Variants in SPOCK3 observed in about 807,000 individuals in gnomAD.
SPOCK3 encodes SPARC (osteonectin), cwcv and kazal like domains proteoglycan 3.
In SPOCK3, 30 loss-of-function variants were observed where a neutral mutation model predicts 56.6. The observed-to-expected ratio is 0.53, with a 90% CI of 0.40 to 0.72. The LOEUF is 0.72. Among genes scored for constraint, SPOCK3 ranks in the 30% least tolerant of loss-of-function variants. The pLI, the probability that SPOCK3 is intolerant of heterozygous loss-of-function variation, is 0.00. For synonymous variants in SPOCK3, 196 were observed against 183.3 expected, an observed-to-expected ratio of 1.07 and a Z score of -0.56; for missense variants, 527 against 530.0, an observed-to-expected ratio of 0.99 and a Z score of 0.06.
At chr4:167,050,249 GTAC>G (rs1754073944) in intron 3 of SPOCK3, among the ~76,000 whole-genome samples, 1 of 152,096 alleles carries the variant, frequency 6.6e-6, no homozygotes, top group African/African-American at 2.4e-5. Context: ...AAAATTCTCA[GTAC>G]TACTAAAGAA....
intron 4 of SPOCK3, among the ~76,000 whole-genome samples, chr4:166,913,778 G>GTCTCTC (rs140957483): frequency 4.1e-4 from 61 of 149,510 alleles, no homozygotes; most frequent in African/African-American, 1.5e-3. Context: ...ATTATTTTCT[G>GTCTCTC]TCTCTCTCTC....
At chr4:167,061,272 A>G (rs1755578940) in intron 3 of SPOCK3, among the ~76,000 whole-genome samples, 1 of 152,020 alleles carries the variant, frequency 6.6e-6, no homozygotes, top group African/African-American at 2.4e-5. Context: ...ATTTCCCAAG[A>G]AAGCCAGTAA....
chr4:166,893,074 G>A (rs1734958748), intron 5 of SPOCK3, among the ~76,000 whole-genome samples: 1 of 152,010 alleles, frequency 6.6e-6, no homozygotes, highest in African/African-American at 2.4e-5. Flanking sequence ...ACTGGAGGCA[G>A]AAGGGAGAGT....
At chr4:166,970,914 G>A (rs887701858) in intron 4 of SPOCK3, among the ~76,000 whole-genome samples, 4 of 152,066 alleles carry the variant, frequency 2.6e-5, no homozygotes, top group Non-Finnish European at 5.9e-5. Flanking sequence ...TTTTATAAGA[G>A]ACAGAGTCTT....
At chr4:167,019,514 A>G (rs1219986986) in intron 3 of SPOCK3, among the ~76,000 whole-genome samples, 1 of 151,646 alleles carries the variant, frequency 6.6e-6, no homozygotes, top group Non-Finnish European at 1.5e-5. Flanking sequence ...CAATATATAC[A>G]TATATTTCAT....
intron 2 of SPOCK3, among the ~76,000 whole-genome samples, chr4:167,063,959 G>T (rs547662764): frequency 9.2e-5 from 14 of 151,952 alleles, no homozygotes; most frequent in African/African-American, 3.4e-4. Context: ...ATAGTGCTGT[G>T]ATAAACATAT....
chr4:166,737,617 C>T lies in SPOCK3; in HGVS notation c.995-13G>A, dbSNP rs769365236. On this transcript the variant is annotated splice_polypyrimidine_tract_variant and intron_variant, in intron 9 of 10. Coordinates refer to ENST00000357545, the MANE Select transcript of SPOCK3 (RefSeq NM_001040159.2). Reference sequence around the variant, plus strand: ...GGGATATACTGTCCTGTTGAAACAACACACAGGCATACAAACACACACATG... The same window carrying T: ...GGGATATACTGTCCTGTTGAAACAATACACAGGCATACAAACACACACATG... 1.9e-6 allele frequency: 3 copies of T among 1,601,288 alleles called. No homozygotes were observed. The highest frequency in any genetic ancestry group is 2.6e-6 in the Non-Finnish European group (3 of 1,174,596).
At chr4:167,140,607 C>T (rs1369132818) in intron 2 of SPOCK3, among the ~76,000 whole-genome samples, 1 of 151,968 alleles carries the variant, frequency 6.6e-6, no homozygotes, top group African/African-American at 2.4e-5. Flanking sequence ...AAAGTTGTCA[C>T]CACAACCAGA....
intron 2 of SPOCK3, among the ~76,000 whole-genome samples, chr4:167,233,719 G>A (rs1422906060): frequency 1.3e-5 from 2 of 152,156 alleles, no homozygotes; most frequent in South Asian, 2.1e-4. Context: ...TGGGCCGGGA[G>A]GGGGCACAGG....
rs889641289 is a variant in SPOCK3 at position 167,192,740 on chromosome 4, A to G, written c.189+41245T>C. ...TTTTTCGACGTAGGTATTTATCACT[A>G]TAAGCTTTCCTCTTTGAACTTATTC... On this transcript the variant is annotated intron_variant, in intron 2 of 10. Transcript: ENST00000357545. Among the ~76,000 whole-genome samples, 6 of 145,496 alleles carry G rather than the reference A, an allele frequency of 4.1e-5. 1 individual carries two copies. Among genetic ancestry groups the G allele is most frequent in the Middle Eastern group, 6.5e-3 (2 of 310 alleles).
chr4:167,180,262 G>C (rs1580534076), intron 2 of SPOCK3, among the ~76,000 whole-genome samples: 1 of 152,156 alleles, frequency 6.6e-6, no homozygotes, highest in South Asian at 2.1e-4. Flanking sequence ...CATCAGAGGA[G>C]GAGGACATAT....
intron 3 of SPOCK3, among the ~76,000 whole-genome samples, chr4:167,045,352 T>C (rs553066659): frequency 2.0e-5 from 3 of 152,220 alleles, no homozygotes; most frequent in South Asian, 4.1e-4. Context: ...AGCGTTTCTG[T>C]CTTTCAATTG....
intron 2 of SPOCK3, among the ~76,000 whole-genome samples, chr4:167,071,319 C>T (rs1245680979): frequency 6.6e-6 from 1 of 152,030 alleles, no homozygotes; most frequent in Non-Finnish European, 1.5e-5. Context: ...TATACATGTG[C>T]CATGTTGGTT....
intron 8 of SPOCK3, among the ~76,000 whole-genome samples, chr4:166,749,578 T>C (rs1403316580): frequency 3.3e-5 from 5 of 151,910 alleles, no homozygotes; most frequent in Admixed American, 2.0e-4. Flanking sequence ...ATGGCACATG[T>C]ATACATATGT....
intron 2 of SPOCK3, among the ~76,000 whole-genome samples, chr4:167,181,885 C>T (rs1022302270): frequency 6.6e-6 from 1 of 151,978 alleles, no homozygotes; most frequent in Non-Finnish European, 1.5e-5. Context: ...CATTTTTGTT[C>T]CTATGTGTCT....
chr4:166,972,010 G>T (rs898325398), intron 4 of SPOCK3, among the ~76,000 whole-genome samples: 1 of 152,142 alleles, frequency 6.6e-6, no homozygotes, highest in East Asian at 1.9e-4. Context: ...TAACTGGATA[G>T]ATACATAATA....
intron 2 of SPOCK3, among the ~76,000 whole-genome samples, chr4:167,173,946 C>A (rs1385541117): frequency 1.3e-5 from 2 of 152,064 alleles, no homozygotes; most frequent in Admixed American, 1.3e-4. Context: ...CAAAGATAGA[C>A]CAGACATTCC....
intron 2 of SPOCK3, among the ~76,000 whole-genome samples, chr4:167,077,323 CCTA>C (rs1192222843): frequency 3.3e-5 from 5 of 151,464 alleles, no homozygotes; most frequent in African/African-American, 9.7e-5. Flanking sequence ...TCCTGCATTG[CCTA>C]CTATTTTGCA....
chr4:167,037,339 C>T (rs1304097637), intron 3 of SPOCK3, among the ~76,000 whole-genome samples: 2 of 151,686 alleles, frequency 1.3e-5, no homozygotes, highest in Non-Finnish European at 2.9e-5. Context: ...AAAATTAGCC[C>T]GGCGTGGTGG....
Sources: allele counts gnomAD v4.1 joint callset (sites outside exome capture counted in the v4.1 genomes callset), GRCh38; gene constraint gnomAD v4.1.1; transcripts MANE v1.5; gene names NCBI Gene and HGNC (gene_info 2026-07-23, HGNC 2026-07-21).